Variants in RNF13 observed in about 807,000 individuals in gnomAD.
The protein encoded by RNF13 is E3 ubiquitin-protein ligase RNF13.
Under a neutral mutation model 37.7 loss-of-function variants are expected in RNF13, and 19 were observed. The ratio of observed to expected loss-of-function variants is 0.50; its 90% confidence interval spans 0.35 to 0.74. The LOEUF is 0.74. Ranked by LOEUF, RNF13 falls within the 30% of genes least tolerant of loss-of-function variation. The pLI is 0.01. For synonymous variants in RNF13, 144 were observed against 157.8 expected, an observed-to-expected ratio of 0.91 and a Z score of 0.65; for missense variants, 375 against 453.0, an observed-to-expected ratio of 0.83 and a Z score of 1.56.
intron 1 of RNF13, among the ~76,000 whole-genome samples, chr3:149,828,852 T>C (rs540472801): frequency 6.6e-6 from 1 of 152,296 alleles, no homozygotes; most frequent in Non-Finnish European, 1.5e-5. Context: ...AAATTATAGG[T>C]TTTCTGTCTG....
intron 3 of RNF13, 54 bp downstream of exon 3, chr3:149,852,650 TTTA>T: frequency 1.3e-6 from 1 of 785,730 alleles, no homozygotes; most frequent in Non-Finnish European, 2.0e-6. Context: ...TAAGGTGATT[TTTA>T]TTGTTTATTA....
At chr3:149,825,617 G>A (rs984767180) in intron 1 of RNF13, among the ~76,000 whole-genome samples, 3 of 152,222 alleles carry the variant, frequency 2.0e-5, no homozygotes, top group Non-Finnish European at 2.9e-5. Context: ...GGTCAACCCA[G>A]TGAGATTCTC....
At position 149,813,238 on chromosome 3, in the gene RNF13, A is replaced by T. The variant is rs947336429; in HGVS notation, c.-132A>T. Reference sequence around the variant, plus strand: ...TCGCCTAGGTGTTGTCGTCCCTGCTAGTACTCCGGGCTGTGGGGGTCGGTG... The same window carrying T: ...TCGCCTAGGTGTTGTCGTCCCTGCTTGTACTCCGGGCTGTGGGGGTCGGTG... On this transcript the variant is annotated 5_prime_UTR_variant, in exon 1 of 10. Coordinates refer to ENST00000392894, the MANE Select transcript of RNF13 (RefSeq NM_183381.3). 1.3e-5 allele frequency: 2 copies of T among 152,006 alleles called. No individual in the cohort carries two copies. The highest frequency in any genetic ancestry group is 1.3e-4 in the Admixed American group (2 of 15,286). The allele number at this position is 152,006 out of a possible 1,614,324, so 9.4% of individuals were successfully genotyped here.
chr3:149,849,411 G>A (rs1055689543), intron 2 of RNF13, among the ~76,000 whole-genome samples: 5 of 152,178 alleles, frequency 3.3e-5, no homozygotes, highest in African/African-American at 1.2e-4. Context: ...ACACCCAATG[G>A]GTGGTGGTGT....
chr3:149,931,068 G>T (rs997421951), intron 8 of RNF13, among the ~76,000 whole-genome samples: 6 of 150,456 alleles, frequency 4.0e-5, no homozygotes, highest in East Asian at 1.9e-4. Context: ...TGTTTTTTTG[G>T]TTTTTTTTCT....
intron 8 of RNF13, among the ~76,000 whole-genome samples, chr3:149,924,414 C>T (rs1021544766): frequency 3.9e-5 from 6 of 152,088 alleles, no homozygotes; most frequent in East Asian, 1.9e-4. Context: ...CCAAAGACAC[C>T]GTGGGGCATT....
At chr3:149,888,469 G>A (rs531043919) in intron 4 of RNF13, among the ~76,000 whole-genome samples, 2 of 152,318 alleles carry the variant, frequency 1.3e-5, no homozygotes, top group African/African-American at 4.8e-5. Flanking sequence ...AATGTATGCT[G>A]TTGCTGGAAT....
intron 4 of RNF13, among the ~76,000 whole-genome samples, chr3:149,889,105 A>G (rs1040650893): frequency 6.6e-6 from 1 of 151,000 alleles, no homozygotes; most frequent in African/African-American, 2.4e-5. Context: ...CGCCCAGCCA[A>G]TTTTTGTACT....
rs141550753 is a variant in RNF13 at position 149,952,787 on chromosome 3, CAG to C, written c.701-7266_701-7265del. ...GCTAATTTTGTATTTTTAGTAGAGA[CAG>C]AGTTTCTCCATGTCAATCAGGCTAT... is the stretch of plus-strand genomic sequence containing the variant. On this transcript the variant is annotated intron_variant, in intron 8 of 9. Transcript: ENST00000392894. Among the ~76,000 whole-genome samples the C allele has an allele frequency of 5.8e-4, 88 of 152,226 alleles. 1 individual carries two copies. Among genetic ancestry groups the C allele is most frequent in the African/African-American group, 2.1e-3 (86 of 41,536 alleles).
intron 8 of RNF13, among the ~76,000 whole-genome samples, chr3:149,936,562 A>G (rs899496309): frequency 4.0e-5 from 6 of 151,688 alleles, no homozygotes; most frequent in South Asian, 4.2e-4. Context: ...CAAGATTTCT[A>G]TTTTTTTAAT....
intron 1 of RNF13, among the ~76,000 whole-genome samples, chr3:149,837,158 A>G (rs923939339): frequency 1.3e-5 from 2 of 152,232 alleles, no homozygotes; most frequent in African/African-American, 2.4e-5. Context: ...TGCCACATTA[A>G]GAAAAGAGGC....
rs761261580 is a variant in RNF13 at position 149,960,947 on chromosome 3, G to C, written c.989G>C (p.Arg330Pro). The C allele has an allele frequency of 1.2e-6, 2 of 1,614,136 alleles. No individual in the cohort carries two copies. Among genetic ancestry groups the C allele is most frequent in the South Asian group, 2.2e-5 (2 of 91,080 alleles). The change falls in exon 10 of 10, where the codon CGC (arginine) becomes CCC (proline). Residue 330 changes from arginine to proline, a missense_variant. By Grantham distance (103) the Arg-to-Pro change is moderately radical. Coordinates refer to ENST00000392894, the MANE Select transcript of RNF13 (RefSeq NM_183381.3). ...TCATTTGGGGCTTTATCGGAATCCC[G>C]CTCACATCAGAACATGACAGAATCT... Reference protein sequence around the residue: ...AQSFGALSESRSHQNMTESSD... With the variant: ...AQSFGALSESPSHQNMTESSD...
chr3:149,936,531 A>C (rs1719696148), intron 8 of RNF13, among the ~76,000 whole-genome samples: 1 of 151,984 alleles, frequency 6.6e-6, no homozygotes, highest in Non-Finnish European at 1.5e-5. Context: ...TTTTCAGTTC[A>C]GCCAATGTAT....
intron 8 of RNF13, among the ~76,000 whole-genome samples, chr3:149,933,619 T>C (rs1719386436): frequency 6.6e-6 from 1 of 151,172 alleles, no homozygotes; most frequent in Admixed American, 6.6e-5. Context: ...AGTCTAGCTT[T>C]GTCACCCAGG....
At chr3:149,921,409 G>A (rs1217662542) in intron 8 of RNF13, among the ~76,000 whole-genome samples, 182 bp downstream of exon 8, 4 of 152,070 alleles carry the variant, frequency 2.6e-5, no homozygotes, top group East Asian at 1.9e-4. Context: ...CCATCAACTC[G>A]TCATTTACAT....
chr3:149,849,612 A>G (rs2130322), intron 2 of RNF13, among the ~76,000 whole-genome samples: 132,262 of 152,168 alleles, frequency 0.87, 57,615 homozygotes, highest in African/African-American at 0.92. Context: ...TAAGGGCTGG[A>G]GCTCTGTGGC....
intron 8 of RNF13, among the ~76,000 whole-genome samples, chr3:149,944,407 T>C (rs1413100472): frequency 1.3e-5 from 2 of 152,222 alleles, no homozygotes; most frequent in Non-Finnish European, 2.9e-5. Context: ...TCTTCCACAA[T>C]GGTTGAACTA....
intron 3 of RNF13, among the ~76,000 whole-genome samples, chr3:149,855,159 A>G (rs1297636544): frequency 6.6e-6 from 1 of 152,124 alleles, no homozygotes; most frequent in Non-Finnish European, 1.5e-5. Flanking sequence ...CTCTACCAAA[A>G]AATATAAAAA....
intron 8 of RNF13, among the ~76,000 whole-genome samples, chr3:149,947,495 G>A (rs1050268100): frequency 2.1e-4 from 32 of 151,252 alleles, no homozygotes; most frequent in Non-Finnish European, 3.5e-4. Flanking sequence ...ACCTCCTGCC[G>A]CTGGGCTTAA....
Sources: allele counts gnomAD v4.1 joint callset (sites outside exome capture counted in the v4.1 genomes callset), GRCh38; gene constraint gnomAD v4.1.1; transcripts MANE v1.5; gene names NCBI Gene and HGNC (gene_info 2026-07-23, HGNC 2026-07-21).